The following VLDLR variants were observed in gnomAD, a reference collection of about 807,000 sequenced individuals.
VLDLR encodes the protein very low density lipoprotein receptor.
A neutral mutation model predicts 112.7 loss-of-function variants in VLDLR; 81 were observed. The ratio of observed to expected loss-of-function variants is 0.72; its 90% CI spans 0.60 to 0.86. The LOEUF is 0.86. VLDLR is among the 40% of genes least tolerant of loss of function. The probability of loss-of-function intolerance (pLI) is 0.00; values close to 1 mark genes in which losing one functional copy is unlikely to be tolerated. For synonymous variants in VLDLR, 436 were observed against 384.8 expected, an observed-to-expected ratio of 1.13 and a Z score of -1.56; for missense variants, 1,237 against 1,099.4, an observed-to-expected ratio of 1.13 and a Z score of -1.77.
In VLDLR at chr9:2,651,461, A is replaced by G. The variant is rs755456814; in HGVS notation, c.2298A>G (p.Thr766=). 3 of 1,614,062 alleles carry G rather than the reference A, an allele frequency of 1.9e-6. No homozygotes were observed. The highest frequency in any genetic ancestry group is 2.5e-6 in the Non-Finnish European group (3 of 1,179,972). The change falls in exon 16 of 19, where the codon ACA becomes ACG. Residue 766 remains threonine (T), a synonymous_variant. Coordinates refer to ENST00000382100, the MANE Select transcript of VLDLR (RefSeq NM_003383.5). ...VTYSETKDTN[T]TEISATSGLV... The stretch of plus-strand genomic sequence containing the variant: ...ACAGTGAGACAAAAGATACGAACAC[A>G]ACAGAAATTTCAGCAACTAGTGGAC...
intron 12 of VLDLR, 95 bp downstream of exon 12, chr9:2,647,687 A>C: frequency 9.1e-7 from 1 of 1,099,880 alleles, no homozygotes; most frequent in Non-Finnish European, 1.4e-6. Context: ...AGATGACTCT[A>C]CTGCTTCCGC....
At chr9:2,628,750 AAGAT>A (rs907156663) in intron 1 of VLDLR, among the ~76,000 whole-genome samples, 21 of 152,282 alleles carry the variant, frequency 1.4e-4, no homozygotes, top group Admixed American at 1.3e-3. Context: ...GGGCCAATCA[AAGAT>A]AGACTACACA....
rs902704842 is a variant in VLDLR, at chr9:2,656,441, T to C, written c.*2573T>C. The C allele has an allele frequency of 1.8e-5, 2 of 112,248 alleles. No homozygotes were observed. Among genetic ancestry groups the C allele is most frequent in the South Asian group, 3.0e-4 (1 of 3,384 alleles). 7.0% of individuals were successfully genotyped at this position (112,248 alleles called of 1,614,324 possible). On this transcript the variant is annotated 3_prime_UTR_variant, in exon 19 of 19. Coordinates refer to ENST00000382100, the MANE Select transcript of VLDLR (RefSeq NM_003383.5). ...AGACCCTGTCTCTACAAAAAAAAAA[T>C]TTATAAAAATAAAAGAAAAAAATAG...
chr9:2,652,659 G>A (rs556547467), intron 17 of VLDLR, 121 bp from the exon 18 acceptor site: 23 of 1,338,412 alleles, frequency 1.7e-5, no homozygotes, highest in Admixed American at 3.7e-5. Context: ...AGTTATCCTA[G>A]CTCCATAAAA....
chr9:2,626,337 C>T (rs993801909), intron 1 of VLDLR, among the ~76,000 whole-genome samples: 1 of 152,198 alleles, frequency 6.6e-6, no homozygotes, highest in African/African-American at 2.4e-5. Context: ...GTTTTGACTG[C>T]AACTTGTCAC....
Position 2,643,960 on chromosome 9 carries a change from G to A in VLDLR, c.1066+1G>A, listed in dbSNP as rs774744705. The A allele has an allele frequency of 9.9e-6, 16 of 1,613,784 alleles. No homozygotes were observed. The highest frequency in any genetic ancestry group is 2.7e-5 in the African/African-American group (2 of 74,822). ...AGTGATGAGCCCCTGAAAGAGTGTCGTAAGTGTACTTGTTGTTCAAGTACA... is the reference window on the plus strand; with the variant it reads ...AGTGATGAGCCCCTGAAAGAGTGTCATAAGTGTACTTGTTGTTCAAGTACA... On this transcript the variant is annotated splice_donor_variant, in intron 7 of 18. Transcript: ENST00000382100. LOFTEE classifies it high-confidence loss of function.
intron 2 of VLDLR, among the ~76,000 whole-genome samples, chr9:2,638,201 G>A (rs1443674841): frequency 6.6e-6 from 1 of 152,136 alleles, no homozygotes; most frequent in Admixed American, 6.5e-5. Flanking sequence ...AGCTAGCATG[G>A]CCAGTCTTGT....
In VLDLR at chr9:2,622,162, CG is replaced by C; in HGVS notation, c.-26del. ...GCGGAGCGAACGGCGGCGGCGGCGGCGGCGGCGGCACCATCCAGGCGGGCAC... is the reference window on the plus strand; with the variant it reads ...GCGGAGCGAACGGCGGCGGCGGCGGCGCGGCGGCACCATCCAGGCGGGCAC... On this transcript the variant is annotated 5_prime_UTR_variant, in exon 1 of 19. Transcript: ENST00000382100. 1 of 1,476,484 alleles carries C rather than the reference CG, an allele frequency of 6.8e-7. No homozygotes were observed. Among genetic ancestry groups the C allele is most frequent in the South Asian group, 1.3e-5 (1 of 76,550 alleles). The allele number at this position is 1,476,484 out of a possible 1,614,324, so 91.5% of individuals were successfully genotyped here.
intron 3 of VLDLR, 120 bp from the exon 4 acceptor site, chr9:2,641,257 G>T: frequency 6.6e-7 from 1 of 1,523,232 alleles, no homozygotes; most frequent in African/African-American, 1.4e-5. Context: ...CCAGTTAGTA[G>T]AATTTCACCA....
chr9:2,655,679 AAAAAG>A lies in VLDLR; in HGVS notation c.*1818_*1822del, dbSNP rs1355778616. ...CCTTGTGATTTTGGTCAACTGAATG[AAAAAG>A]AAAAGATAGCCTTGGACTTTTTTTT... On this transcript the variant is annotated 3_prime_UTR_variant, in exon 19 of 19. Coordinates refer to ENST00000382100, the MANE Select transcript of VLDLR (RefSeq NM_003383.5). 1.3e-5 allele frequency: 2 copies of A among 152,154 alleles called. No individual in the cohort carries two copies. The highest frequency in any genetic ancestry group is 4.8e-5 in the African/African-American group (2 of 41,448). 9.4% of individuals were successfully genotyped at this position (152,154 alleles called of 1,614,324 possible). A position where few individuals can be genotyped will look rare whatever the true frequency, so the allele number is the denominator to read the frequency against.
Position 2,644,741 on chromosome 9 carries a change from C to A in VLDLR, c.1074C>A (p.Asn358Lys). Residue 358 changes from asparagine (N) to lysine (K), a missense_variant, in exon 8 of 19, where the codon AAC becomes AAA. Asn to Lys is a moderately conservative substitution (Grantham distance 94, BLOSUM62 0). Transcript: ENST00000382100. The part of the protein sequence containing the change: ...SDEPLKECHI[N>K]ECLVNNGGCS... ...ACTACATTTTTATTCCAGATATAAACGAATGCTTGGTAAATAATGGTGGAT... is the reference window on the plus strand; with the variant it reads ...ACTACATTTTTATTCCAGATATAAAAGAATGCTTGGTAAATAATGGTGGAT... 1 of 1,613,846 alleles carries A rather than the reference C, an allele frequency of 6.2e-7. No individual in the cohort carries two copies. Among genetic ancestry groups the A allele is most frequent in the Non-Finnish European group, 8.5e-7 (1 of 1,179,994 alleles).
At chr9:2,642,614 T>C (rs1354936565) in intron 4 of VLDLR, among the ~76,000 whole-genome samples, 3 of 152,374 alleles carry the variant, frequency 2.0e-5, no homozygotes, top group South Asian at 4.1e-4. Context: ...ATGGTGATTA[T>C]AGCCCTGGCA....
chr9:2,652,136 G>T (rs949600850), intron 17 of VLDLR, among the ~76,000 whole-genome samples, 182 bp downstream of exon 17: 1 of 152,126 alleles, frequency 6.6e-6, no homozygotes, highest in African/African-American at 2.4e-5. Flanking sequence ...TTTCTCTTCA[G>T]TTGTACCTTT....
At chr9:2,641,799 G>C (rs1039977616) in intron 4 of VLDLR, among the ~76,000 whole-genome samples, 1 of 152,106 alleles carries the variant, frequency 6.6e-6, no homozygotes, top group Non-Finnish European at 1.5e-5. Context: ...CTTTTGTTTT[G>C]ACAGTAATTC....
chr9:2,637,741 A>T (rs1249343082), intron 2 of VLDLR, among the ~76,000 whole-genome samples: 1 of 152,170 alleles, frequency 6.6e-6, no homozygotes, highest in Non-Finnish European at 1.5e-5. Context: ...GGAGATCGAG[A>T]CCACCCTGGC....
In VLDLR at chr9:2,651,439, G is replaced by C; in HGVS notation, c.2276G>C (p.Ser759Thr). The change falls in exon 16 of 19, where the codon AGT becomes ACT. Residue 759 changes from serine to threonine, a missense_variant. Transcript: ENST00000382100. The stretch of plus-strand genomic sequence containing the variant: ...GGTACTGCAACTACTGTGACTTACA[G>C]TGAGACAAAAGATACGAACACAACA... ...CQSTATTVTY[S>T]ETKDTNTTEI... 2 of 1,613,996 alleles carry C rather than the reference G, an allele frequency of 1.2e-6. No individual in the cohort carries two copies. Among genetic ancestry groups the C allele is most frequent in the Non-Finnish European group, 1.7e-6 (2 of 1,179,964 alleles).
Position 2,625,307 on chromosome 9 carries a change from C to T in VLDLR, c.82+3036C>T, listed in dbSNP as rs143626991. 1.3e-3 allele frequency among the ~76,000 whole-genome samples: 202 copies of T among 152,322 alleles called. 1 individual carries two copies. Among genetic ancestry groups the T allele is most frequent in the African/African-American group, 4.5e-3 (186 of 41,576 alleles). Reference sequence around the variant, plus strand: ...TAAGATCAAGGGAACACATAGTACCCAGCCGTGTGGCTTCGGGTTTTGATC... The same window carrying T: ...TAAGATCAAGGGAACACATAGTACCTAGCCGTGTGGCTTCGGGTTTTGATC... On this transcript the variant is annotated intron_variant, in intron 1 of 18. Coordinates refer to ENST00000382100, the MANE Select transcript of VLDLR (RefSeq NM_003383.5).
intron 3 of VLDLR, among the ~76,000 whole-genome samples, 192 bp downstream of exon 3, chr9:2,640,173 A>G (rs751916645): frequency 1.3e-5 from 2 of 152,226 alleles, no homozygotes; most frequent in Admixed American, 1.3e-4. Context: ...CCCTGGTCCA[A>G]CAAGACTGAC....
chr9:2,647,346 A>T, intron 11 of VLDLR, 128 bp from the exon 12 acceptor site: 1 of 748,044 alleles, frequency 1.3e-6, no homozygotes, highest in Non-Finnish European at 2.4e-6. Flanking sequence ...TTAGACCCTT[A>T]AGTGTTACTA....
Sources: allele counts gnomAD v4.1 joint callset (sites outside exome capture counted in the v4.1 genomes callset), GRCh38; gene constraint gnomAD v4.1.1; transcripts MANE v1.5; gene names NCBI Gene and HGNC (gene_info 2026-07-23, HGNC 2026-07-21).